The following CSNK2A2 variants were observed in gnomAD, a reference collection of about 807,000 sequenced individuals.
CSNK2A2 encodes the protein casein kinase 2 alpha 2.
CSNK2A2 carries 8 observed loss-of-function variants against 54.0 expected under a neutral mutation model. The observed-to-expected ratio is 0.15, with a 90% CI of 0.09 to 0.27. The LOEUF is 0.27. CSNK2A2 is among the 10% of genes least tolerant of loss of function. The pLI, the probability that CSNK2A2 is intolerant of heterozygous loss-of-function variation, is 1.00. For synonymous variants in CSNK2A2, 141 were observed against 153.9 expected, an observed-to-expected ratio of 0.92 and a Z score of 0.62; for missense variants, 242 against 439.4, an observed-to-expected ratio of 0.55 and a Z score of 4.02.
At chr16:58,182,374 CAAAAAAAAA>C (rs71155249) in intron 4 of CSNK2A2, among the ~76,000 whole-genome samples, 2,982 of 25,754 alleles carry the variant, frequency 0.12, 103 homozygotes, top group South Asian at 0.4. Flanking sequence ...CTAAATATAC[CAAAAAAAAA>C]AAAAAAAAAA....
intron 11 of CSNK2A2, chr16:58,162,064 G>A (rs1597105955): frequency 1.3e-5 from 2 of 152,068 alleles, no homozygotes; most frequent in South Asian, 2.1e-4. Context: ...CCTCTTGCCT[G>A]GTCCAGACAG....
intron 4 of CSNK2A2, among the ~76,000 whole-genome samples, chr16:58,183,206 T>A (rs949335305): frequency 3.5e-5 from 5 of 141,106 alleles, no homozygotes; most frequent in Non-Finnish European, 7.6e-5. Flanking sequence ...CTAAAAAAAA[T>A]TTAAAAATTA....
At chr16:58,183,829 C>T (rs1205728614) in intron 4 of CSNK2A2, among the ~76,000 whole-genome samples, 1 of 152,080 alleles carries the variant, frequency 6.6e-6, no homozygotes, top group African/African-American at 2.4e-5. Flanking sequence ...TTTCTTTGTA[C>T]GTCACGTGCG....
At chr16:58,184,937 CATCTT>C (rs1338189264) in intron 3 of CSNK2A2, among the ~76,000 whole-genome samples, 10 of 152,236 alleles carry the variant, frequency 6.6e-5, no homozygotes, top group Non-Finnish European at 7.4e-5. Flanking sequence ...AAGATTGTCT[CATCTT>C]ATCAAGCAGA....
intron 4 of CSNK2A2, among the ~76,000 whole-genome samples, chr16:58,179,881 T>C (rs926356808): frequency 8.6e-5 from 13 of 151,920 alleles, no homozygotes; most frequent in African/African-American, 3.1e-4. Context: ...AGTTCAAGAC[T>C]AGCCTGACCA....
At chr16:58,185,252 C>CAGGG (rs1339566245) in intron 3 of CSNK2A2, among the ~76,000 whole-genome samples, 4 of 152,168 alleles carry the variant, frequency 2.6e-5, no homozygotes, top group Non-Finnish European at 4.4e-5. Flanking sequence ...GAGGACAACT[C>CAGGG]AGAGTCCAAA....
chr16:58,197,983 C>T lies in CSNK2A2; in HGVS notation c.-247G>A, dbSNP rs1167351641. 7.0e-6 allele frequency: 1 copy of T among 142,408 alleles called. No homozygotes were observed. Among genetic ancestry groups the T allele is most frequent in the Non-Finnish European group, 1.6e-5 (1 of 64,362 alleles). The allele number at this position is 142,408 out of a possible 1,614,324, so 8.8% of individuals were successfully genotyped here. A position where few individuals can be genotyped will look rare whatever the true frequency, so the allele number is the denominator to read the frequency against. On this transcript the variant is annotated 5_prime_UTR_variant, in exon 1 of 12. Coordinates refer to ENST00000262506, the MANE Select transcript of CSNK2A2 (RefSeq NM_001896.4). The surrounding 1 kb of genome is among the most constrained non-coding windows in gnomAD (Gnocchi z 4.0). ...GCGGGGCGGCGGGGCGGGCGGCGCTCGCGCTCCGCGGCGGTCTCCGCTCGG... is the reference window on the plus strand; with the variant it reads ...GCGGGGCGGCGGGGCGGGCGGCGCTTGCGCTCCGCGGCGGTCTCCGCTCGG...
Position 58,163,971 on chromosome 16 carries a change from TTTC to T in CSNK2A2, c.*17+80_*17+82del, listed in dbSNP as rs1799833327. On this transcript the variant is annotated intron_variant, in intron 11 of 11. Transcript: ENST00000262506. ...GTGCATTTAGAAGGAATGATAAGAA[TTTC>T]TTTTTATCACACTGTAGTTTTCCTT... 4 of 1,081,608 alleles carry T rather than the reference TTTC, an allele frequency of 3.7e-6. No homozygotes were observed. The African/African-American group carries it at 4.7e-5, about 13-fold the overall frequency. The allele number at this position is 1,081,608 out of a possible 1,614,324, so 67.0% of individuals were successfully genotyped here. A position where few individuals can be genotyped will look rare whatever the true frequency, so the allele number is the denominator to read the frequency against.
chr16:58,174,507 G>A lies in CSNK2A2; in HGVS notation c.373C>T (p.Leu125Phe), dbSNP rs769274520. 1 of 1,612,306 alleles carries A rather than the reference G, an allele frequency of 6.2e-7. No individual in the cohort carries two copies. The highest frequency in any genetic ancestry group is 1.7e-5 in the Admixed American group (1 of 59,700). ...EYINNTDFKQ[L>F]YQILTDFDIR... ...TCAAAGTCTGTCAGGATCTGGTAGA[G>A]TTGCTGAAACAGATTCCAGAAAACA... The change falls in exon 5 of 12, where the codon CTC becomes TTC. Residue 125 changes from leucine to phenylalanine, a missense_variant. Leu to Phe is a conservative substitution (Grantham distance 22). Around this residue, in one of 5 missense-constraint regions of CSNK2A2, gnomAD observed 69 missense variants for 97.0 expected, o/e 0.71. Transcript: ENST00000262506.
intron 5 of CSNK2A2, among the ~76,000 whole-genome samples, chr16:58,173,847 T>C (rs1269981179): frequency 4.6e-5 from 7 of 152,062 alleles, no homozygotes; most frequent in African/African-American, 1.7e-4. Flanking sequence ...CTTTGGCCAA[T>C]AGGGTTATTA....
chr16:58,168,526 C>T, intron 6 of CSNK2A2, 84 bp downstream of exon 6: 1 of 1,149,922 alleles, frequency 8.7e-7, no homozygotes, highest in South Asian at 1.4e-5. Context: ...CACGGGTCTA[C>T]AGAAACCATC....
intron 4 of CSNK2A2, among the ~76,000 whole-genome samples, chr16:58,182,896 A>G (rs1962094189): frequency 6.6e-6 from 1 of 152,222 alleles, no homozygotes; most frequent in Admixed American, 6.5e-5. Context: ...TGCTTTTTAG[A>G]GTTCACTGCT....
chr16:58,177,308 G>T (rs1306053816), intron 4 of CSNK2A2, among the ~76,000 whole-genome samples: 4 of 152,188 alleles, frequency 2.6e-5, no homozygotes, highest in Admixed American at 6.5e-5. Context: ...CTTCTTCTTA[G>T]CCAGCTACAG....
chr16:58,170,875 C>T (rs1597112882), intron 5 of CSNK2A2, among the ~76,000 whole-genome samples: 1 of 152,076 alleles, frequency 6.6e-6, no homozygotes, highest in Non-Finnish European at 1.5e-5. Flanking sequence ...CCTTGCCTAA[C>T]ATAATAACTA....
At chr16:58,196,148 A>G (rs1962438865) in intron 2 of CSNK2A2, among the ~76,000 whole-genome samples, 1 of 152,124 alleles carries the variant, frequency 6.6e-6, no homozygotes, top group Non-Finnish European at 1.5e-5. Context: ...TTGATTACCT[A>G]TTTATTTTCT....
intron 4 of CSNK2A2, among the ~76,000 whole-genome samples, chr16:58,181,615 G>T (rs1436598451): frequency 6.6e-6 from 1 of 152,020 alleles, no homozygotes; most frequent in Admixed American, 6.6e-5. Context: ...AAAATAGAAG[G>T]TATTACATAA....
chr16:58,189,676 T>G (rs565186259), intron 2 of CSNK2A2, among the ~76,000 whole-genome samples: 2 of 152,262 alleles, frequency 1.3e-5, no homozygotes, highest in South Asian at 4.2e-4. Flanking sequence ...AGACTGGGAA[T>G]AGCAGGGCAA....
intron 2 of CSNK2A2, among the ~76,000 whole-genome samples, chr16:58,190,095 C>A (rs1181690295): frequency 6.6e-6 from 1 of 152,164 alleles, no homozygotes; most frequent in East Asian, 1.9e-4. Context: ...TATATTTCCA[C>A]AACGATCTCA....
chr16:58,179,508 AAAAAG>A (rs1961970974), intron 4 of CSNK2A2, among the ~76,000 whole-genome samples: 2 of 152,142 alleles, frequency 1.3e-5, no homozygotes, highest in South Asian at 4.2e-4. Flanking sequence ...CTCAAAAAAA[AAAAAG>A]AAAGAAAAGA....
Sources: allele counts gnomAD v4.1 joint callset (sites outside exome capture counted in the v4.1 genomes callset), GRCh38; gene constraint gnomAD v4.1.1; regional missense constraint gnomAD v4.1.1; non-coding constraint Gnocchi (gnomAD v3.1); transcripts MANE v1.5; gene names NCBI Gene and HGNC (gene_info 2026-07-23, HGNC 2026-07-21).